Variants in SUSD1 observed in about 807,000 individuals in gnomAD.
SUSD1 encodes sushi domain containing 1, also known as sushi domain-containing protein 1.
In SUSD1, 65 loss-of-function variants were observed where a neutral mutation model predicts 86.9. The ratio of observed to expected loss-of-function variants is 0.75; its 90% CI spans 0.61 to 0.92. SUSD1 has a LOEUF of 0.92. Among genes scored for constraint, SUSD1 ranks in the 40% least tolerant of loss-of-function variants. The pLI is 0.00. For synonymous variants in SUSD1, 346 were observed against 350.0 expected (o/e 0.99, Z 0.13); for missense variants, 850 against 929.7 (o/e 0.91, Z 1.11).
chr9:112,073,495 C>G (rs1829376710), intron 12 of SUSD1, among the ~76,000 whole-genome samples: 1 of 146,552 alleles, frequency 6.8e-6, no homozygotes, highest in Non-Finnish European at 1.5e-5. Context: ...CTCTCTTCCC[C>G]ACCCCGCCCC....
intron 8 of SUSD1, among the ~76,000 whole-genome samples, chr9:112,110,012 T>C (rs1320515492): frequency 1.3e-5 from 2 of 152,154 alleles, no homozygotes; most frequent in African/African-American, 2.4e-5. Context: ...TTCAGTGGGA[T>C]AGCAAACAGC....
intron 1 of SUSD1, among the ~76,000 whole-genome samples, chr9:112,158,184 G>T (rs1833419445): frequency 6.6e-6 from 1 of 151,648 alleles, no homozygotes; most frequent in South Asian, 2.1e-4. Context: ...TTGTTTCCGA[G>T]CCCCAACCAC....
At chr9:112,057,733 T>C (rs1460534354) in intron 14 of SUSD1, among the ~76,000 whole-genome samples, 2 of 152,222 alleles carry the variant, frequency 1.3e-5, no homozygotes, top group African/African-American at 2.4e-5. Flanking sequence ...CATACTTTTA[T>C]CTCAAATTCA....
chr9:112,041,429 G>C lies in SUSD1; in HGVS notation c.*63C>G. 1.3e-6 allele frequency: 1 copy of C among 780,640 alleles called. No individual in the cohort carries two copies. The highest frequency in any genetic ancestry group is 2.4e-6 in the Non-Finnish European group (1 of 418,074). 48.4% of individuals were successfully genotyped at this position (780,640 alleles called of 1,614,324 possible). A position where few individuals can be genotyped will look rare whatever the true frequency, so the allele number is the denominator to read the frequency against. On this transcript the variant is annotated 3_prime_UTR_variant, in exon 17 of 17. Coordinates refer to ENST00000374270, the MANE Select transcript of SUSD1 (RefSeq NM_022486.5). ...ACACGGAGCCTCTGTGCGGGCACCT[G>C]AGAAGCTGCCAGAACACCTGCCCAG...
chr9:112,061,313 T>A (rs1828715202), intron 13 of SUSD1, among the ~76,000 whole-genome samples: 1 of 152,190 alleles, frequency 6.6e-6, no homozygotes, highest in Non-Finnish European at 1.5e-5. Context: ...TCAAACCAGG[T>A]AGTCAGGCTT....
rs765354321 is a variant in SUSD1, at chr9:112,140,369, C to CA, written c.706+1950dup. Among the ~76,000 whole-genome samples the CA allele has an allele frequency of 4.6e-3, 586 of 128,440 alleles. 93 individuals carry two copies. The highest frequency in any genetic ancestry group is 6.2e-3 in the African/African-American group (223 of 35,778). 84.3% of individuals were successfully genotyped at this position (128,440 alleles called of 152,430 possible). A position where few individuals can be genotyped will look rare whatever the true frequency, so the allele number is the denominator to read the frequency against. On this transcript the variant is annotated intron_variant, in intron 5 of 16. Transcript: ENST00000374270. Reference sequence around the variant, plus strand: ...GGGCGACAGAGCGAGACTCCGTCTCCAAAAAAAAAAAAAATACAAAAATTG... The same window carrying CA: ...GGGCGACAGAGCGAGACTCCGTCTCCAAAAAAAAAAAAAAATACAAAAATTG...
chr9:112,043,223 G>T (rs1185604357), intron 15 of SUSD1, among the ~76,000 whole-genome samples: 7 of 152,200 alleles, frequency 4.6e-5, no homozygotes, highest in African/African-American at 9.6e-5. Context: ...GAAGCTGCAA[G>T]ATTCTGAACT....
chr9:112,083,517 C>T (rs574510775), intron 10 of SUSD1, among the ~76,000 whole-genome samples: 4 of 152,118 alleles, frequency 2.6e-5, no homozygotes, highest in South Asian at 2.1e-4. Flanking sequence ...TGTGAGCCAC[C>T]GCCCCCAGCC....
chr9:112,128,039 G>A (rs1026943017), intron 5 of SUSD1, among the ~76,000 whole-genome samples: 2 of 151,314 alleles, frequency 1.3e-5, no homozygotes, highest in African/African-American at 4.9e-5. Flanking sequence ...TCGGACTCAA[G>A]CAATCTTACC....
Position 112,078,656 on chromosome 9 carries a change from G to C in SUSD1, c.1635C>G (p.Ser545Arg). Residue 545 changes from serine to arginine, a missense_variant, in exon 12 of 17, where the codon AGC becomes AGG. Physicochemically the swap from Ser to Arg is moderately radical, Grantham distance 110. Coordinates refer to ENST00000374270, the MANE Select transcript of SUSD1 (RefSeq NM_022486.5). Reference sequence around the variant, plus strand: ...AGCACACCTCGGGATCTCGGCTGCTGCTACTGATATTAAAGGTCATTTCCT... The same window carrying C: ...AGCACACCTCGGGATCTCGGCTGCTCCTACTGATATTAAAGGTCATTTCCT... Reference protein sequence around the residue: ...FAQEMTFNISSSSRDPEVCLD... With the variant: ...FAQEMTFNISRSSRDPEVCLD... 6.2e-7 allele frequency: 1 copy of C among 1,614,062 alleles called. No individual in the cohort carries two copies. The highest frequency in any genetic ancestry group is 8.5e-7 in the Non-Finnish European group (1 of 1,179,980).
intron 10 of SUSD1, among the ~76,000 whole-genome samples, chr9:112,084,369 A>AT (rs1180938844): frequency 6.6e-6 from 1 of 152,220 alleles, no homozygotes; most frequent in Non-Finnish European, 1.5e-5. Context: ...TCTACAGGAT[A>AT]TTGTAAGGCC....
chr9:112,048,567 T>C (rs1828054577), intron 15 of SUSD1, among the ~76,000 whole-genome samples: 1 of 152,220 alleles, frequency 6.6e-6, no homozygotes, highest in Admixed American at 6.5e-5. Flanking sequence ...CAGTGCATTC[T>C]GATTGAACAC....
intron 15 of SUSD1, among the ~76,000 whole-genome samples, chr9:112,050,475 A>G (rs542515141): frequency 6.6e-6 from 1 of 152,200 alleles, no homozygotes; most frequent in East Asian, 1.9e-4. Flanking sequence ...TATTTCCTGC[A>G]CAGTATTCTC....
At chr9:112,156,070 T>C (rs770836306) in intron 2 of SUSD1, among the ~76,000 whole-genome samples, 5 of 151,254 alleles carry the variant, frequency 3.3e-5, no homozygotes, top group Non-Finnish European at 7.4e-5. Flanking sequence ...CTTAGCTGGG[T>C]GTGGCAGCAA....
chr9:112,082,574 T>C (rs2131565501), intron 10 of SUSD1, among the ~76,000 whole-genome samples: 1 of 152,210 alleles, frequency 6.6e-6, no homozygotes, highest in South Asian at 2.1e-4. Flanking sequence ...GGAAAGGGCG[T>C]GGAAATAGAT....
intron 5 of SUSD1, among the ~76,000 whole-genome samples, chr9:112,131,196 G>A (rs1832020548): frequency 6.6e-6 from 1 of 152,192 alleles, no homozygotes; most frequent in African/African-American, 2.4e-5. Flanking sequence ...CAAAGTCCAG[G>A]TCCAGTAAAT....
chr9:112,148,835 G>A (rs1306384622), intron 3 of SUSD1, among the ~76,000 whole-genome samples: 1 of 151,904 alleles, frequency 6.6e-6, no homozygotes, highest in African/African-American at 2.4e-5. Context: ...GAACCCAGGA[G>A]GCGGAGGTTA....
chr9:112,171,404 G>A (rs1834040543), intron 1 of SUSD1, among the ~76,000 whole-genome samples: 1 of 152,108 alleles, frequency 6.6e-6, no homozygotes, highest in African/African-American at 2.4e-5. Context: ...TCATTTATTT[G>A]CCTACCAGAT....
chr9:112,127,246 C>T (rs1172617256), intron 5 of SUSD1, among the ~76,000 whole-genome samples: 2 of 152,130 alleles, frequency 1.3e-5, no homozygotes, highest in Non-Finnish European at 2.9e-5. Flanking sequence ...GTGGCACATG[C>T]GCCTGTAATC....
Sources: allele counts gnomAD v4.1 joint callset (sites outside exome capture counted in the v4.1 genomes callset), GRCh38; gene constraint gnomAD v4.1.1; transcripts MANE v1.5; gene names NCBI Gene and HGNC (gene_info 2026-07-23, HGNC 2026-07-21).